ICA1: variants seen among roughly 807,000 people sequenced by gnomAD.
The protein encoded by ICA1 is 69 kDa islet cell autoantigen.
In ICA1, 40 loss-of-function variants were observed where a neutral mutation model predicts 71.0. That is an observed-to-expected ratio of 0.56 (90% CI 0.44 to 0.73). ICA1 has a LOEUF of 0.73. Ranked by LOEUF, ICA1 falls within the 30% of genes least tolerant of loss-of-function variation. The pLI is 0.00. For synonymous variants in ICA1, 207 were observed against 209.5 expected, an observed-to-expected ratio of 0.99 and a Z score of 0.10; for missense variants, 578 against 576.5, an observed-to-expected ratio of 1.00 and a Z score of -0.03.
rs184373280 is a variant in ICA1 at position 8,227,277 on chromosome 7, A to T, written c.256+1324T>A. Among the ~76,000 whole-genome samples, 3 of 152,286 alleles carry T rather than the reference A, an allele frequency of 2.0e-5. No individual in the cohort carries two copies. In the East Asian group the frequency reaches 5.8e-4, roughly 29 times the overall value. Reference sequence around the variant, plus strand: ...AATAGGCTAGAGAAAGCAGAGGTGGAGGCAAGATCAGTGAGGAAAATGGTT... The same window carrying T: ...AATAGGCTAGAGAAAGCAGAGGTGGTGGCAAGATCAGTGAGGAAAATGGTT... On this transcript the variant is annotated intron_variant, in intron 4 of 13. Coordinates refer to ENST00000402384, the MANE Select transcript of ICA1 (RefSeq NM_001136020.3).
In ICA1 at chr7:8,144,634, TTAAG is replaced by T. The variant is rs1435598783; in HGVS notation, c.805-666_805-663del. Among the ~76,000 whole-genome samples the T allele has an allele frequency of 2.0e-5, 1 of 49,530 alleles. No homozygotes were observed. Among genetic ancestry groups the T allele is most frequent in the East Asian group, 1.5e-3 (1 of 686 alleles). The allele number at this position is 49,530 out of a possible 152,430, so 32.5% of individuals were successfully genotyped here. On this transcript the variant is annotated intron_variant, in intron 8 of 13. Transcript: ENST00000402384. This position sits in a 1 kb window ranked among gnomAD's most constrained non-coding sequence, Gnocchi z 4.5. Reference sequence around the variant, plus strand: ...ACTATTTTCAAGGTTAACTAAATATTTAAGTTTTTTTTTTTAAACAGCAAGTGCC... The same window carrying T: ...ACTATTTTCAAGGTTAACTAAATATTTTTTTTTTTTTAAACAGCAAGTGCC...
rs114633965 is a variant in ICA1 at position 8,184,115 on chromosome 7, T to C, written c.580-25463A>G. Among the ~76,000 whole-genome samples, 788 of 152,350 alleles carry C rather than the reference T, an allele frequency of 5.2e-3. 3 individuals carry two copies. The highest frequency in any genetic ancestry group is 0.018 in the African/African-American group (734 of 41,578). On this transcript the variant is annotated intron_variant, in intron 6 of 13. Coordinates refer to ENST00000402384, the MANE Select transcript of ICA1 (RefSeq NM_001136020.3). The stretch of plus-strand genomic sequence containing the variant: ...AGCATCTTCTGCATACAGAAATCAA[T>C]GGGCTTTTAACTTCCAAAAGCAAGG...
intron 1 of ICA1, among the ~76,000 whole-genome samples, chr7:8,260,544 T>G (rs3807805): frequency 1.3e-5 from 2 of 152,214 alleles, no homozygotes; most frequent in Non-Finnish European, 2.9e-5. Context: ...TAAAGATTCA[T>G]CTTTATAAAC....
intron 6 of ICA1, among the ~76,000 whole-genome samples, chr7:8,181,518 T>G (rs758189130): frequency 4.3e-4 from 66 of 152,170 alleles, no homozygotes; most frequent in Admixed American, 5.2e-4. Context: ...CTAGCAGGAT[T>G]TTGAATGGTG....
chr7:8,113,851 C>A lies in ICA1; in HGVS notation c.*72G>T. The A allele has an allele frequency of 6.5e-7, 1 of 1,543,190 alleles. No individual in the cohort carries two copies. Among genetic ancestry groups the A allele is most frequent in the South Asian group, 1.1e-5 (1 of 89,144 alleles). On this transcript the variant is annotated 3_prime_UTR_variant, in exon 14 of 14. Coordinates refer to ENST00000402384, the MANE Select transcript of ICA1 (RefSeq NM_001136020.3). This position sits in a 1 kb window ranked among gnomAD's most constrained non-coding sequence, Gnocchi z 4.2. ...AATTATTAAAACAGCATACTGATCA[C>A]TTTATACTTCTGCTAGCCCCCAGGG... is the stretch of plus-strand genomic sequence containing the variant.
chr7:8,147,189 T>C (rs1797324312), intron 8 of ICA1, among the ~76,000 whole-genome samples: 1 of 152,106 alleles, frequency 6.6e-6, no homozygotes, highest in African/African-American at 2.4e-5. Flanking sequence ...TCCACGGTTA[T>C]CATCCTTTCT....
intron 13 of ICA1, among the ~76,000 whole-genome samples, chr7:8,115,629 G>A (rs1350014209): frequency 6.6e-6 from 1 of 152,184 alleles, no homozygotes; most frequent in Non-Finnish European, 1.5e-5. Context: ...CAACTTATTT[G>A]CATAACACTT....
chr7:8,221,609 T>C (rs1287433792), intron 4 of ICA1, among the ~76,000 whole-genome samples: 1 of 152,204 alleles, frequency 6.6e-6, no homozygotes, highest in Admixed American at 6.5e-5. Context: ...TCAAATTCAC[T>C]TGAATACATC....
intron 6 of ICA1, among the ~76,000 whole-genome samples, chr7:8,208,790 G>T (rs1264599775): frequency 1.3e-5 from 2 of 152,186 alleles, no homozygotes; most frequent in Non-Finnish European, 1.5e-5. Flanking sequence ...AGTCAGTGTT[G>T]GGTGGGGGTA....
chr7:8,137,524 C>A (rs1793826254), intron 12 of ICA1, among the ~76,000 whole-genome samples: 1 of 152,144 alleles, frequency 6.6e-6, no homozygotes. Context: ...GTGAAAGACA[C>A]CTTTATTCTA....
At chr7:8,158,249 T>C (rs1021187770) in intron 7 of ICA1, 4 of 378,632 alleles carry the variant, frequency 1.1e-5, no homozygotes, top group African/African-American at 8.4e-5. Flanking sequence ...AAGAATGGAA[T>C]TTGGAAAGGC....
At chr7:8,213,390 A>C (rs533307573) in intron 6 of ICA1, among the ~76,000 whole-genome samples, 1 of 152,186 alleles carries the variant, frequency 6.6e-6, no homozygotes, top group African/African-American at 2.4e-5. Context: ...AATGTTCCCC[A>C]TTCACTCAAC....
chr7:8,184,484 C>G (rs544964039), intron 6 of ICA1, among the ~76,000 whole-genome samples: 58 of 152,034 alleles, frequency 3.8e-4, no homozygotes, highest in African/African-American at 1.4e-3. Context: ...TGAAACAGTG[C>G]GGGGGTTGGA....
At chr7:8,207,874 C>A (rs148291175) in intron 6 of ICA1, among the ~76,000 whole-genome samples, 76 of 152,168 alleles carry the variant, frequency 5.0e-4, no homozygotes, top group Admixed American at 5.0e-3. Context: ...AGCTCAAACA[C>A]TAAAATATAG....
chr7:8,176,707 G>A (rs1780742083), intron 6 of ICA1, among the ~76,000 whole-genome samples: 1 of 152,186 alleles, frequency 6.6e-6, no homozygotes, highest in African/African-American at 2.4e-5. Context: ...TCTGTTTGCT[G>A]AATTACTGCT....
At chr7:8,239,164 A>G (rs1388975426) in intron 1 of ICA1, among the ~76,000 whole-genome samples, 2 of 152,188 alleles carry the variant, frequency 1.3e-5, no homozygotes, top group African/African-American at 2.4e-5. Context: ...CTTTTTATAT[A>G]TGTTCTAACT....
At chr7:8,139,140 G>A (rs1372319716) in intron 10 of ICA1, 93 bp from the exon 11 acceptor site, 1 of 938,236 alleles carries the variant, frequency 1.1e-6, no homozygotes, top group African/African-American at 1.6e-5. Flanking sequence ...CACGGCTTCA[G>A]GAAGAAATGG....
At chr7:8,202,696 A>G (rs531842450) in intron 6 of ICA1, among the ~76,000 whole-genome samples, 3 of 152,296 alleles carry the variant, frequency 2.0e-5, no homozygotes, top group African/African-American at 7.2e-5. Flanking sequence ...ACATCTTGGT[A>G]CTCACCACAG....
intron 10 of ICA1, among the ~76,000 whole-genome samples, chr7:8,140,138 T>C (rs1341287382): frequency 6.6e-6 from 1 of 152,218 alleles, no homozygotes; most frequent in Non-Finnish European, 1.5e-5. Flanking sequence ...TATAATAAAC[T>C]GCAGTTTATA....
Sources: gnomAD v4.1 joint callset for allele counts (sites outside exome capture counted in the v4.1 genomes callset) on GRCh38, gnomAD v4.1.1 for gene constraint, Gnocchi (gnomAD v3.1) non-coding constraint, MANE v1.5 for transcripts, NCBI Gene and HGNC (gene_info 2026-07-23, HGNC 2026-07-21) for gene names.